The following PHACTR3 variants were observed in gnomAD, a reference collection of about 807,000 sequenced individuals.
PHACTR3 encodes the protein protein phosphatase 1, regulatory subunit 123.
A neutral mutation model predicts 66.8 loss-of-function variants in PHACTR3; 16 were observed. The observed-to-expected ratio is 0.24, with a 90% CI of 0.16 to 0.36. The LOEUF is 0.36. Among genes scored for constraint, PHACTR3 ranks in the 10% least tolerant of loss-of-function variants. PHACTR3 has a pLI of 1.00. For synonymous variants in PHACTR3, 323 were observed against 292.1 expected, an observed-to-expected ratio of 1.11 and a Z score of -1.08; for missense variants, 647 against 719.9, an observed-to-expected ratio of 0.90 and a Z score of 1.16.
intron 7 of PHACTR3, among the ~76,000 whole-genome samples, chr20:59,799,349 T>C (rs902976884): frequency 3.9e-5 from 6 of 152,186 alleles, no homozygotes; most frequent in Non-Finnish European, 7.4e-5. Flanking sequence ...CTATTTATTC[T>C]ATGAATTATT....
chr20:59,807,539 T>C (rs1216839159), intron 8 of PHACTR3, among the ~76,000 whole-genome samples: 1 of 152,196 alleles, frequency 6.6e-6, no homozygotes, highest in Non-Finnish European at 1.5e-5. Context: ...AAAATAATCA[T>C]TAAAATTATA....
chr20:59,669,233 G>A (rs2036106997), intron 1 of PHACTR3, among the ~76,000 whole-genome samples: 1 of 152,198 alleles, frequency 6.6e-6, no homozygotes, highest in Non-Finnish European at 1.5e-5. Flanking sequence ...GACCCCCGGT[G>A]TGGAGTAGGG....
chr20:59,777,905 C>A, intron 7 of PHACTR3, among the ~76,000 whole-genome samples: 1 of 152,158 alleles, frequency 6.6e-6, no homozygotes, highest in East Asian at 1.9e-4. Flanking sequence ...GGACTCTACG[C>A]ATGCGTCCAC....
rs1256000172 is a variant in PHACTR3 at position 59,727,508 on chromosome 20, TCTGTCTC to T, written c.119-15595_119-15589del. Reference sequence around the variant, plus strand: ...CGCCGTTCTTGACCCTCAGAGACTTTCTGTCTCCTGGAGGAGAAGTGGCTGTGTTGGG... The same window carrying T: ...CGCCGTTCTTGACCCTCAGAGACTTTCTGGAGGAGAAGTGGCTGTGTTGGG... On this transcript the variant is annotated intron_variant, in intron 1 of 12. Transcript: ENST00000371015. Among the ~76,000 whole-genome samples the T allele has an allele frequency of 5.9e-5, 9 of 152,226 alleles. No homozygotes were observed. The South Asian group carries it at 1.9e-3, about 32-fold the overall frequency.
intron 1 of PHACTR3, among the ~76,000 whole-genome samples, chr20:59,624,073 G>T (rs1600942631): frequency 1.3e-5 from 2 of 152,164 alleles, no homozygotes; most frequent in South Asian, 4.1e-4. Flanking sequence ...CGATTTGGAG[G>T]GTGGGGACAT....
At position 59,726,096 on chromosome 20, in the gene PHACTR3, G is replaced by A. The variant is rs148607296; in HGVS notation, c.119-17011G>A. 2.1e-4 allele frequency among the ~76,000 whole-genome samples: 32 copies of A among 152,310 alleles called. No homozygotes were observed. The East Asian group carries it at 4.2e-3, about 20-fold the overall frequency. ...GCAGTGCCTCCAGGGTCGATGGCAC[G>A]AGCCCAGTTGACAATCCCCACAGCC... On this transcript the variant is annotated intron_variant, in intron 1 of 12. Transcript: ENST00000371015.
At chr20:59,734,177 C>G (rs1363903242) in intron 1 of PHACTR3, among the ~76,000 whole-genome samples, 1 of 152,190 alleles carries the variant, frequency 6.6e-6, no homozygotes, top group Non-Finnish European at 1.5e-5. Context: ...TAAGGGTCCT[C>G]AAGTTCCAGT....
At chr20:59,695,828 G>A (rs907469903) in intron 1 of PHACTR3, among the ~76,000 whole-genome samples, 9 of 151,942 alleles carry the variant, frequency 5.9e-5, no homozygotes, top group African/African-American at 2.2e-4. Context: ...CACCTCTCGG[G>A]TTCAAGCAAT....
rs914063504 is a variant in PHACTR3 at position 59,738,191 on chromosome 20, C to T, written c.119-4916C>T. 6.6e-6 allele frequency among the ~76,000 whole-genome samples: 1 copy of T among 152,064 alleles called. No homozygotes were observed. Among genetic ancestry groups the T allele is most frequent in the African/African-American group, 2.4e-5 (1 of 41,428 alleles). ...GCAAAGGGGATGCAGGGAGTCAATGCTTCAACCTCCTGTTAGTAAGTGGCA... is the reference window on the plus strand; with the variant it reads ...GCAAAGGGGATGCAGGGAGTCAATGTTTCAACCTCCTGTTAGTAAGTGGCA... On this transcript the variant is annotated intron_variant, in intron 1 of 12. Transcript: ENST00000371015. This position sits in a 1 kb window ranked among gnomAD's most constrained non-coding sequence, Gnocchi z 4.4.
intron 7 of PHACTR3, among the ~76,000 whole-genome samples, chr20:59,782,471 G>C (rs6100582): frequency 0.039 from 5,910 of 152,106 alleles, 335 homozygotes; most frequent in African/African-American, 0.13. Context: ...AGGCTGGTCT[G>C]GAACTCCTGA....
intron 3 of PHACTR3, among the ~76,000 whole-genome samples, 173 bp from the exon 4 acceptor site, chr20:59,755,009 T>A (rs2039733220): frequency 6.6e-6 from 1 of 151,790 alleles, no homozygotes; most frequent in Non-Finnish European, 1.5e-5. Flanking sequence ...TGCCCAGGGC[T>A]CCCCTGGAAA....
intron 1 of PHACTR3, among the ~76,000 whole-genome samples, chr20:59,660,529 C>T (rs2035775747): frequency 6.6e-6 from 1 of 152,178 alleles, no homozygotes; most frequent in Non-Finnish European, 1.5e-5. Flanking sequence ...CACTCTGTGG[C>T]TTGGGCTTCT....
At chr20:59,670,681 G>A (rs1241051198) in intron 1 of PHACTR3, among the ~76,000 whole-genome samples, 1 of 151,868 alleles carries the variant, frequency 6.6e-6, no homozygotes, top group South Asian at 2.1e-4. Context: ...CTGTCGTTAA[G>A]GTGTCCTAGA....
intron 1 of PHACTR3, among the ~76,000 whole-genome samples, chr20:59,629,919 G>A (rs986141359): frequency 3.3e-5 from 5 of 152,154 alleles, no homozygotes; most frequent in Admixed American, 1.3e-4. Flanking sequence ...GGGTGTGGCT[G>A]TAGACCAGGG....
At chr20:59,755,554 C>G (rs2039756756) in intron 4 of PHACTR3, among the ~76,000 whole-genome samples, 190 bp downstream of exon 4, 3 of 152,206 alleles carry the variant, frequency 2.0e-5, no homozygotes, top group Non-Finnish European at 2.9e-5. Flanking sequence ...GCACTTTTCT[C>G]TACTGTCTCT....
At chr20:59,579,168 C>T (rs370069763) in intron 1 of PHACTR3, among the ~76,000 whole-genome samples, 8 of 152,218 alleles carry the variant, frequency 5.3e-5, no homozygotes, top group African/African-American at 1.9e-4. Context: ...GGCAGCTTGG[C>T]AGTGTGTTCA....
chr20:59,675,448 T>C (rs1196080972), intron 1 of PHACTR3, among the ~76,000 whole-genome samples: 2 of 152,104 alleles, frequency 1.3e-5, no homozygotes, highest in African/African-American at 4.8e-5. Flanking sequence ...AGGGGGCAAC[T>C]ACCTCTTCAT....
intron 1 of PHACTR3, among the ~76,000 whole-genome samples, chr20:59,728,068 A>T (rs1186840364): frequency 6.6e-6 from 1 of 152,224 alleles, no homozygotes; most frequent in Non-Finnish European, 1.5e-5. Flanking sequence ...TAAAGTGTAC[A>T]ATTCAGTGGC....
At chr20:59,723,094 C>CTTTCTTTA (rs2038402726) in intron 1 of PHACTR3, among the ~76,000 whole-genome samples, 2 of 140,724 alleles carry the variant, frequency 1.4e-5, no homozygotes, top group Non-Finnish European at 3.1e-5. Context: ...TTCTTTCTTT[C>CTTTCTTTA]TTTCTTTCTT....
Sources: gnomAD v4.1 joint callset for allele counts (sites outside exome capture counted in the v4.1 genomes callset) on GRCh38, gnomAD v4.1.1 for gene constraint, Gnocchi (gnomAD v3.1) non-coding constraint, MANE v1.5 for transcripts, NCBI Gene and HGNC (gene_info 2026-07-23, HGNC 2026-07-21) for gene names.